Variants in ITGAD observed in about 807,000 individuals in gnomAD.
ITGAD encodes integrin alpha-D.
ITGAD carries 105 observed loss-of-function variants against 139.0 expected under a neutral mutation model. That is an observed-to-expected ratio of 0.76 (90% CI 0.65 to 0.89). The LOEUF (loss-of-function observed/expected upper bound fraction) is 0.89, where lower values mean the gene tolerates loss of function less well. Ranked by LOEUF, ITGAD falls within the 40% of genes least tolerant of loss-of-function variation. The pLI, the probability that ITGAD is intolerant of heterozygous loss-of-function variation, is 0.00. For synonymous variants in ITGAD, 569 were observed against 598.3 expected (o/e 0.95, Z 0.71); for missense variants, 1,384 against 1,487.3 (o/e 0.93, Z 1.14).
intron 23 of ITGAD, among the ~76,000 whole-genome samples, chr16:31,422,889 C>T (rs143998000): frequency 1.5e-4 from 23 of 152,226 alleles, no homozygotes; most frequent in African/African-American, 5.5e-4. Context: ...CAGGGTCTCA[C>T]GATGTTGCCC....
chr16:31,410,162 C>T (rs923340864), intron 10 of ITGAD, among the ~76,000 whole-genome samples: 1 of 151,946 alleles, frequency 6.6e-6, no homozygotes, highest in African/African-American at 2.4e-5. Context: ...GGGCAGTAGA[C>T]AGAGAGGCAG....
chr16:31,410,371 A>T, intron 10 of ITGAD, 24 bp from the exon 11 acceptor site: 1 of 1,613,686 alleles, frequency 6.2e-7, no homozygotes, highest in Non-Finnish European at 8.5e-7. Context: ...GTCTCTGCCC[A>T]GCCCTGGAAT....
chr16:31,421,987 G>A (rs939347649), intron 23 of ITGAD, among the ~76,000 whole-genome samples: 1 of 152,176 alleles, frequency 6.6e-6, no homozygotes, highest in Non-Finnish European at 1.5e-5. Flanking sequence ...CTGGAGGGGA[G>A]TGGTGTGAAC....
chr16:31,408,754 G>A (rs921662406), intron 10 of ITGAD: 1 of 431,050 alleles, frequency 2.3e-6, no homozygotes, highest in African/African-American at 2.0e-5. Flanking sequence ...CATCAGGGTA[G>A]AGAGAGAGAT....
chr16:31,398,361 A>G (rs866074062), intron 5 of ITGAD, among the ~76,000 whole-genome samples: 14 of 148,410 alleles, frequency 9.4e-5, no homozygotes, highest in African/African-American at 2.5e-4. Context: ...CAGGAGGCGG[A>G]GGTTGCAGTG....
chr16:31,395,162 C>CA (rs1201209052), intron 2 of ITGAD, among the ~76,000 whole-genome samples: 5 of 151,472 alleles, frequency 3.3e-5, no homozygotes, highest in Admixed American at 6.6e-5. Context: ...ACTAAAAATG[C>CA]AAAAAAAATT....
chr16:31,410,799 A>G lies in ITGAD; in HGVS notation c.1277A>G (p.Tyr426Cys). Residue 426 changes from tyrosine to cysteine, a missense_variant, in exon 12 of 30, where the codon TAC (tyrosine) becomes TGC (cysteine). By Grantham distance (194) the Tyr-to-Cys change is radical. Coordinates refer to ENST00000389202, the MANE Select transcript of ITGAD (RefSeq NM_005353.3). ...AACCTGGTCCTGGGGGCCCCCCGCTACCAGCATACCGGGAAGGCTGTCATC... is the reference window on the plus strand; with the variant it reads ...AACCTGGTCCTGGGGGCCCCCCGCTGCCAGCATACCGGGAAGGCTGTCATC... Reference protein sequence around the residue: ...VQNLVLGAPRYQHTGKAVIFT... With the variant: ...VQNLVLGAPRCQHTGKAVIFT... The G allele has an allele frequency of 6.2e-7, 1 of 1,613,840 alleles. No individual in the cohort carries two copies. The highest frequency in any genetic ancestry group is 8.5e-7 in the Non-Finnish European group (1 of 1,179,918).
intron 26 of ITGAD, 83 bp downstream of exon 26, chr16:31,423,731 C>A: frequency 6.6e-7 from 1 of 1,518,650 alleles, no homozygotes; most frequent in Non-Finnish European, 9.1e-7. Flanking sequence ...CACAGAGTTC[C>A]GTGCATGTCC....
chr16:31,420,233 T>G (rs2081981972), intron 23 of ITGAD, among the ~76,000 whole-genome samples: 1 of 152,184 alleles, frequency 6.6e-6, no homozygotes, highest in East Asian at 1.9e-4. Context: ...GGAAGGTCTC[T>G]TAAGAGCCTG....
intron 10 of ITGAD, among the ~76,000 whole-genome samples, chr16:31,409,928 A>AG (rs1413949353): frequency 3.3e-5 from 5 of 151,274 alleles, no homozygotes; most frequent in Admixed American, 1.3e-4. Flanking sequence ...AAAAAAAAAA[A>AG]AAAGAAAGGA....
intron 2 of ITGAD, among the ~76,000 whole-genome samples, chr16:31,395,070 G>A (rs1483933362): frequency 2.0e-5 from 3 of 152,148 alleles, no homozygotes; most frequent in Non-Finnish European, 2.9e-5. Context: ...TAATCCCAAC[G>A]CTTTGGGAGG....
chr16:31,416,504 G>A lies in ITGAD; in HGVS notation c.2358-1G>A. ...CTCCCAGCCTCGTCCTTCCCCTTCAGCCTGCAGACCCTGACCGTGGGGAGC... is the reference window on the plus strand; with the variant it reads ...CTCCCAGCCTCGTCCTTCCCCTTCAACCTGCAGACCCTGACCGTGGGGAGC... On this transcript the variant is annotated splice_acceptor_variant, in intron 19 of 29. Coordinates refer to ENST00000389202, the MANE Select transcript of ITGAD (RefSeq NM_005353.3). LOFTEE classifies it high-confidence loss of function. The A allele has an allele frequency of 1.2e-6, 2 of 1,607,622 alleles. No individual in the cohort carries two copies. The highest frequency in any genetic ancestry group is 2.2e-5 in the South Asian group (2 of 90,954).
At position 31,423,467 on chromosome 16, in the gene ITGAD, C is replaced by T. The variant is rs1473250269; in HGVS notation, c.2967+8C>T. 1 of 1,611,566 alleles carries T rather than the reference C, an allele frequency of 6.2e-7. No individual in the cohort carries two copies. The highest frequency in any genetic ancestry group is 8.5e-7 in the Non-Finnish European group (1 of 1,177,634). On this transcript the variant is annotated splice_region_variant and intron_variant, in intron 25 of 29. Coordinates refer to ENST00000389202, the MANE Select transcript of ITGAD (RefSeq NM_005353.3). ...ATGGAGGCCCCATCTCAGGTACCCG[C>T]CTATCTCTCCTCTTTCTTCAGACTG...
chr16:31,420,249 G>T (rs2142835960), intron 23 of ITGAD, among the ~76,000 whole-genome samples: 1 of 152,280 alleles, frequency 6.6e-6, no homozygotes, highest in African/African-American at 2.4e-5. Context: ...GCCTGGCCAA[G>T]GCAGCGCAGG....
At chr16:31,414,787 G>A in intron 17 of ITGAD, 73 bp from the exon 18 acceptor site, 2 of 1,584,122 alleles carry the variant, frequency 1.3e-6, no homozygotes, top group East Asian at 2.2e-5. Flanking sequence ...AGTGGGGAGT[G>A]GATGCAGTGG....
chr16:31,412,190 T>G (rs2081740492), intron 14 of ITGAD, among the ~76,000 whole-genome samples: 1 of 151,910 alleles, frequency 6.6e-6, no homozygotes, highest in Admixed American at 6.6e-5. Flanking sequence ...ATTATAGGCT[T>G]CTGCCACCAT....
intron 20 of ITGAD, among the ~76,000 whole-genome samples, chr16:31,417,854 G>A (rs1457258209): frequency 6.6e-6 from 1 of 152,166 alleles, no homozygotes; most frequent in Non-Finnish European, 1.5e-5. Flanking sequence ...GCCTGTGGCA[G>A]GGGAATTGCT....
intron 13 of ITGAD, 37 bp downstream of exon 13, chr16:31,411,253 G>A (rs777359488): frequency 1.1e-5 from 17 of 1,609,410 alleles, no homozygotes; most frequent in African/African-American, 5.3e-5. Flanking sequence ...GGTGGGGTCC[G>A]GTGTGAGTGG....
At chr16:31,394,431 A>AG in intron 2 of ITGAD, 90 bp downstream of exon 2, 1 of 886,032 alleles carries the variant, frequency 1.1e-6, no homozygotes, top group Non-Finnish European at 1.8e-6. Context: ...GGTGTCCTGG[A>AG]GGAAGGCCAG....
Sources: gnomAD v4.1 joint callset for allele counts (sites outside exome capture counted in the v4.1 genomes callset) on GRCh38, gnomAD v4.1.1 for gene constraint, MANE v1.5 for transcripts, NCBI Gene and HGNC (gene_info 2026-07-23, HGNC 2026-07-21) for gene names.